The following NECTIN2 variants were observed in gnomAD, a reference collection of about 807,000 sequenced individuals.
NECTIN2 encodes the protein nectin-2.
A neutral mutation model predicts 56.9 loss-of-function variants in NECTIN2; 23 were observed. The observed-to-expected ratio is 0.40, with a 90% CI of 0.29 to 0.57. NECTIN2 has a LOEUF of 0.57. NECTIN2 is among the 20% of genes least tolerant of loss of function. The probability of loss-of-function intolerance (pLI) is 0.38; values close to 1 mark genes in which losing one functional copy is unlikely to be tolerated. For missense variants in NECTIN2, 587 were observed against 718.3 expected (o/e 0.82, Z 2.09); for synonymous variants, 302 against 313.8 (o/e 0.96, Z 0.40).
intron 1 of NECTIN2, among the ~76,000 whole-genome samples, chr19:44,853,723 G>A (rs374024180): frequency 7.8e-4 from 119 of 152,204 alleles, no homozygotes; most frequent in African/African-American, 2.8e-3. Context: ...TCCTGACCTC[G>A]TGATCCGCCC....
chr19:44,850,148 G>A (rs187117194), intron 1 of NECTIN2, among the ~76,000 whole-genome samples: 1 of 152,126 alleles, frequency 6.6e-6, no homozygotes, highest in Non-Finnish European at 1.5e-5. Flanking sequence ...AGTGAGCCCT[G>A]ATTGCACTAC....
rs964037771 is a variant in NECTIN2 at position 44,878,420 on chromosome 19, G to C, written c.1043-3791G>C. ...GGGATTCTACGATCCGAAAGCTCAG[G>C]TGTTGGGAAATGGGGACCCCGTCTT... On this transcript the variant is annotated intron_variant, in intron 5 of 8. Coordinates refer to ENST00000252483, the MANE Select transcript of NECTIN2 (RefSeq NM_001042724.2). 1.9e-6 allele frequency: 3 copies of C among 1,577,492 alleles called. No individual in the cohort carries two copies. In the African/African-American group the frequency reaches 4.0e-5, roughly 21 times the overall value.
rs1428704570 is a variant in NECTIN2 at position 44,875,304 on chromosome 19, C to T, written c.1042+826C>T. On this transcript the variant is annotated intron_variant, in intron 5 of 8. Transcript: ENST00000252483. The surrounding 1 kb of genome is among the most constrained non-coding windows in gnomAD (Gnocchi z 4.2). ...TTTTTGAGATGGAGTCTCGCTCTGT[C>T]GCCCAGGCTGAAGTGTAGTGGCGCA... Among the ~76,000 whole-genome samples the T allele has an allele frequency of 1.3e-5, 2 of 149,390 alleles. No individual in the cohort carries two copies. The highest frequency in any genetic ancestry group is 2.0e-4 in the East Asian group (1 of 5,076).
Position 44,874,277 on chromosome 19 carries a change from G to A in NECTIN2, c.894-53G>A. 1 of 1,580,606 alleles carries A rather than the reference G, an allele frequency of 6.3e-7. No homozygotes were observed. The highest frequency in any genetic ancestry group is 8.7e-7 in the Non-Finnish European group (1 of 1,150,298). The stretch of plus-strand genomic sequence containing the variant: ...GGGTGTATCTTTAGGGATGAGGCCT[G>A]TGCTCCCCTCTCGACCTTGGTATCC... On this transcript the variant is annotated intron_variant, in intron 4 of 8. Transcript: ENST00000252483. This position sits in a 1 kb window ranked among gnomAD's most constrained non-coding sequence, Gnocchi z 6.3.
chr19:44,868,952 C>T (rs1174534182), intron 2 of NECTIN2, among the ~76,000 whole-genome samples: 2 of 151,984 alleles, frequency 1.3e-5, no homozygotes, highest in East Asian at 3.9e-4. Context: ...TGGGAGCCCA[C>T]CTTCCCTAGG....
intron 1 of NECTIN2, among the ~76,000 whole-genome samples, chr19:44,861,806 C>T (rs1969034790): frequency 6.6e-6 from 1 of 152,158 alleles, no homozygotes; most frequent in South Asian, 2.1e-4. Context: ...TACCATCTCA[C>T]ACCAGTCAAA....
At chr19:44,885,522 G>A (rs976319585) in intron 6 of NECTIN2, among the ~76,000 whole-genome samples, 4 of 151,492 alleles carry the variant, frequency 2.6e-5, no homozygotes, top group African/African-American at 9.7e-5. Context: ...ATGTTGGCCA[G>A]GCTGGTCTCG....
chr19:44,871,886 T>C lies in NECTIN2; in HGVS notation c.512T>C (p.Val171Ala). The stretch of plus-strand genomic sequence containing the variant: ...AAGAACCAAGCTGAGGCCCAGAAGG[T>C]CACGTTCAGCCAGGACCCTACGACA... ...KPKNQAEAQK[V>A]TFSQDPTTVA... is the part of the protein sequence containing the mutation. Residue 171 changes from valine to alanine, a missense_variant, in exon 3 of 9, where the codon GTC (valine) becomes GCC (alanine). Transcript: ENST00000252483. The C allele has an allele frequency of 6.2e-7, 1 of 1,613,850 alleles. No individual in the cohort carries two copies. Among genetic ancestry groups the C allele is most frequent in the Non-Finnish European group, 8.5e-7 (1 of 1,179,830 alleles).
intron 5 of NECTIN2, among the ~76,000 whole-genome samples, chr19:44,876,674 G>A (rs1163474544): frequency 2.0e-5 from 3 of 152,154 alleles, no homozygotes; most frequent in Non-Finnish European, 2.9e-5. Context: ...ACAGTATGGA[G>A]TCCACAGCAG....
intron 5 of NECTIN2, chr19:44,878,840 A>T: frequency 7.5e-7 from 1 of 1,330,934 alleles, no homozygotes; most frequent in East Asian, 2.8e-5. Context: ...AGTAGTGGGG[A>T]TCCAGAGAGG....
At chr19:44,885,303 CTTTCTTTTTTTT>C (rs1969347764) in intron 6 of NECTIN2, among the ~76,000 whole-genome samples, 1 of 122,904 alleles carries the variant, frequency 8.1e-6, no homozygotes, top group Admixed American at 8.5e-5. Flanking sequence ...GCTGATCTTT[CTTTCTTTTTTTT>C]TTTTTTTTTT....
chr19:44,858,733 C>CCA (rs978180481), intron 1 of NECTIN2, among the ~76,000 whole-genome samples: 4 of 151,812 alleles, frequency 2.6e-5, no homozygotes, highest in Non-Finnish European at 5.9e-5. Context: ...ACCTCCACCT[C>CCA]CCGGGTTCAA....
intron 1 of NECTIN2, among the ~76,000 whole-genome samples, chr19:44,855,899 T>A (rs1968960191): frequency 6.6e-6 from 1 of 152,162 alleles, no homozygotes; most frequent in Non-Finnish European, 1.5e-5. Context: ...AACTATTTGT[T>A]TTTTGGATTT....
intron 5 of NECTIN2, chr19:44,878,764 A>C: frequency 7.0e-7 from 1 of 1,435,146 alleles, no homozygotes; most frequent in Non-Finnish European, 9.1e-7. Flanking sequence ...TGGGACTTGG[A>C]GGGAGGTGGA....
chr19:44,880,575 C>G (rs776245350), intron 5 of NECTIN2, among the ~76,000 whole-genome samples: 6 of 146,724 alleles, frequency 4.1e-5, no homozygotes, highest in Non-Finnish European at 9.0e-5. Flanking sequence ...GCACCCTCCA[C>G]CTCCCAAGTT....
intron 1 of NECTIN2, among the ~76,000 whole-genome samples, chr19:44,863,558 T>C (rs1969058275): frequency 6.6e-6 from 1 of 151,978 alleles, no homozygotes; most frequent in Admixed American, 6.6e-5. Flanking sequence ...CTGCTAAAAA[T>C]ATAATAATTT....
intron 5 of NECTIN2, chr19:44,878,644 C>A (rs1969271914): frequency 6.4e-7 from 1 of 1,562,328 alleles, no homozygotes; most frequent in Non-Finnish European, 8.7e-7. Context: ...AGAGACAGAG[C>A]CAGGCCCGGC....
chr19:44,881,448 G>A (rs1211072801), intron 5 of NECTIN2, among the ~76,000 whole-genome samples: 1 of 151,856 alleles, frequency 6.6e-6, no homozygotes, highest in Non-Finnish European at 1.5e-5. Context: ...AGGCCGAGGC[G>A]GGAGGATCAC....
intron 6 of NECTIN2, among the ~76,000 whole-genome samples, chr19:44,882,929 C>G (rs1489090998): frequency 6.6e-6 from 1 of 151,270 alleles, no homozygotes; most frequent in Non-Finnish European, 1.5e-5. Context: ...ATACAGGCGC[C>G]CACCACCATG....
Sources: gnomAD v4.1 joint callset for allele counts (sites outside exome capture counted in the v4.1 genomes callset) on GRCh38, gnomAD v4.1.1 for gene constraint, Gnocchi (gnomAD v3.1) non-coding constraint, MANE v1.5 for transcripts, NCBI Gene and HGNC (gene_info 2026-07-23, HGNC 2026-07-21) for gene names.